The following ERC1 variants were observed in gnomAD, a reference collection of about 807,000 sequenced individuals.
ERC1 encodes RAB6 interacting protein 2.
In ERC1, 56 loss-of-function variants were observed where a neutral mutation model predicts 132.0. That is an observed-to-expected ratio of 0.42 (90% CI 0.34 to 0.53). The LOEUF is 0.53. ERC1 is among the 20% of genes least tolerant of loss of function. The pLI is 0.03. For synonymous variants in ERC1, 478 were observed against 476.1 expected (o/e 1.00, Z -0.05); for missense variants, 1,202 against 1,349.9 (o/e 0.89, Z 1.72).
intron 8 of ERC1, among the ~76,000 whole-genome samples, chr12:1,171,092 A>G (rs1030291284): frequency 6.6e-6 from 1 of 152,198 alleles, no homozygotes; most frequent in Non-Finnish European, 1.5e-5. Context: ...AATTCACTCC[A>G]TGATCTGTAC....
chr12:1,109,409 T>G (rs1945606753), intron 4 of ERC1, among the ~76,000 whole-genome samples: 1 of 152,252 alleles, frequency 6.6e-6, no homozygotes, highest in Admixed American at 6.5e-5. Context: ...ATTGCACATA[T>G]AGCTGTACAC....
At chr12:1,278,119 C>T (rs987932768) in intron 14 of ERC1, among the ~76,000 whole-genome samples, 2 of 152,168 alleles carry the variant, frequency 1.3e-5, no homozygotes, top group Non-Finnish European at 2.9e-5. Context: ...ACAAAACAAA[C>T]CCCACCACAG....
At chr12:1,364,827 C>T (rs912749271) in intron 15 of ERC1, among the ~76,000 whole-genome samples, 10 of 152,192 alleles carry the variant, frequency 6.6e-5, no homozygotes, top group African/African-American at 2.4e-4. Flanking sequence ...TACACAATAT[C>T]TCTGATAATC....
At chr12:1,181,015 G>A (rs1954401327) in intron 9 of ERC1, among the ~76,000 whole-genome samples, 1 of 152,028 alleles carries the variant, frequency 6.6e-6, no homozygotes, top group African/African-American at 2.4e-5. Flanking sequence ...GTTTTGCCAT[G>A]TTGGCCAGAC....
chr12:1,428,287 C>A (rs1298818617), intron 17 of ERC1, among the ~76,000 whole-genome samples: 1 of 152,162 alleles, frequency 6.6e-6, no homozygotes, highest in East Asian at 1.9e-4. Context: ...CAGGGCTCAA[C>A]AAATATTTAT....
chr12:1,222,588 T>C (rs141650607), intron 12 of ERC1, among the ~76,000 whole-genome samples: 2 of 152,338 alleles, frequency 1.3e-5, no homozygotes, highest in Non-Finnish European at 2.9e-5. Flanking sequence ...TTTAGCAATG[T>C]CATTTTATTT....
chr12:1,061,577 G>A (rs555002797), intron 2 of ERC1, among the ~76,000 whole-genome samples: 21 of 152,088 alleles, frequency 1.4e-4, no homozygotes, highest in African/African-American at 2.9e-4. Context: ...CACTCCAGCC[G>A]GGGTGACAGA....
At chr12:1,115,771 A>T in intron 6 of ERC1, 95 bp from the exon 7 acceptor site, 1 of 1,053,594 alleles carries the variant, frequency 9.5e-7, no homozygotes, top group Non-Finnish European at 1.4e-6. Context: ...TGCTGCATTT[A>T]GTTTCATATT....
intron 18 of ERC1, among the ~76,000 whole-genome samples, chr12:1,483,115 G>A (rs930915821): frequency 1.3e-5 from 2 of 152,064 alleles, no homozygotes; most frequent in African/African-American, 4.8e-5. Context: ...TGGGCAACAT[G>A]GCAAAACCCC....
intron 18 of ERC1, among the ~76,000 whole-genome samples, chr12:1,484,192 C>G (rs2094157582): frequency 6.6e-6 from 1 of 151,834 alleles, no homozygotes; most frequent in Admixed American, 6.5e-5. Context: ...GTAGTCCCAG[C>G]TACTCGGGAG....
At chr12:1,080,968 G>T (rs1362135) in intron 2 of ERC1, among the ~76,000 whole-genome samples, 65,494 of 151,898 alleles carry the variant, frequency 0.43, 17,456 homozygotes, top group East Asian at 0.79. Context: ...GATAATGCAG[G>T]TATTTATACC....
intron 12 of ERC1, among the ~76,000 whole-genome samples, chr12:1,224,700 G>T (rs1439344174): frequency 6.6e-6 from 1 of 152,060 alleles, no homozygotes; most frequent in African/African-American, 2.4e-5. Flanking sequence ...AAAAAAATAG[G>T]CTGGGCGCTG....
At chr12:1,061,097 C>T (rs1215618826) in intron 2 of ERC1, among the ~76,000 whole-genome samples, 1 of 152,148 alleles carries the variant, frequency 6.6e-6, no homozygotes, top group Non-Finnish European at 1.5e-5. Flanking sequence ...ACTGCTTCTT[C>T]CTGGTCCGAT....
At chr12:1,263,208 C>T in intron 14 of ERC1, 43 bp downstream of exon 14, 2 of 1,595,814 alleles carry the variant, frequency 1.3e-6, no homozygotes, top group Non-Finnish European at 1.7e-6. Context: ...GCTGGTTAAC[C>T]AAAAGGTAAC....
chr12:1,482,697 T>C lies in ERC1; in HGVS notation c.3214-7396T>C, dbSNP rs557221274. ...CCTGATCTCAAGTGATCCACCTGCCTCGGCCTCCCAAAGTTCTGGGATTAC... is the reference window on the plus strand; with the variant it reads ...CCTGATCTCAAGTGATCCACCTGCCCCGGCCTCCCAAAGTTCTGGGATTAC... On this transcript the variant is annotated intron_variant, in intron 18 of 18. Coordinates refer to ENST00000360905, the MANE Select transcript of ERC1 (RefSeq NM_178040.4). Among the ~76,000 whole-genome samples the C allele has an allele frequency of 2.6e-5, 4 of 152,282 alleles. No individual in the cohort carries two copies. The South Asian group carries it at 8.3e-4, about 32-fold the overall frequency.
intron 15 of ERC1, among the ~76,000 whole-genome samples, chr12:1,347,651 G>T (rs976193288): frequency 2.0e-5 from 3 of 152,112 alleles, no homozygotes; most frequent in Non-Finnish European, 4.4e-5. Flanking sequence ...CACATAAATT[G>T]TCCTTTTTGC....
rs1281390029 is a variant in ERC1, at chr12:1,493,758, C to T, written c.*3528C>T. Reference sequence around the variant, plus strand: ...GTCAAGAAGGGCATTGTGACTTGCCCCTCAATTTCTGTCCATTGAAGTCTG... The same window carrying T: ...GTCAAGAAGGGCATTGTGACTTGCCTCTCAATTTCTGTCCATTGAAGTCTG... On this transcript the variant is annotated 3_prime_UTR_variant, in exon 19 of 19. Transcript: ENST00000360905. The T allele has an allele frequency of 2.8e-5, 6 of 214,788 alleles. No individual in the cohort carries two copies. The highest frequency in any genetic ancestry group is 5.6e-5 in the Non-Finnish European group (6 of 107,032). 13.3% of individuals were successfully genotyped at this position (214,788 alleles called of 1,614,324 possible). A position where few individuals can be genotyped will look rare whatever the true frequency, so the allele number is the denominator to read the frequency against.
At chr12:1,130,330 T>A (rs140430392) in intron 7 of ERC1, among the ~76,000 whole-genome samples, 2 of 152,290 alleles carry the variant, frequency 1.3e-5, no homozygotes, top group East Asian at 3.9e-4. Context: ...GAATTCTCCC[T>A]TTCTGTGAGG....
intron 16 of ERC1, among the ~76,000 whole-genome samples, chr12:1,399,545 C>T (rs367602384): frequency 2.0e-5 from 3 of 152,154 alleles, no homozygotes; most frequent in African/African-American, 7.2e-5. Context: ...TTAAATGTAG[C>T]CATTGTCCCT....
Sources: gnomAD v4.1 joint callset for allele counts (sites outside exome capture counted in the v4.1 genomes callset) on GRCh38, gnomAD v4.1.1 for gene constraint, MANE v1.5 for transcripts, NCBI Gene and HGNC (gene_info 2026-07-23, HGNC 2026-07-21) for gene names.